FAM219A: variants seen among roughly 807,000 people sequenced by gnomAD.
FAM219A encodes family with sequence similarity 219 member A.
In FAM219A, 7 loss-of-function variants were observed where a neutral mutation model predicts 23.4. The ratio of observed to expected loss-of-function variants is 0.30; its 90% CI spans 0.17 to 0.56. FAM219A has a LOEUF of 0.56. Ranked by LOEUF, FAM219A falls within the 20% of genes least tolerant of loss-of-function variation. The pLI, the probability that FAM219A is intolerant of heterozygous loss-of-function variation, is 0.92. For missense variants in FAM219A, 166 were observed against 246.9 expected (o/e 0.67, Z 2.20); for synonymous variants, 93 against 99.0 (o/e 0.94, Z 0.36).
At chr9:34,450,873 A>G (rs1439855656) in intron 1 of FAM219A, among the ~76,000 whole-genome samples, 1 of 152,152 alleles carries the variant, frequency 6.6e-6, no homozygotes, top group East Asian at 1.9e-4. Context: ...GCCTCTTGTC[A>G]TATGTTTAGA....
intron 1 of FAM219A, among the ~76,000 whole-genome samples, chr9:34,421,884 G>A (rs929290840): frequency 6.6e-6 from 1 of 152,202 alleles, no homozygotes; most frequent in African/African-American, 2.4e-5. Flanking sequence ...TCTGGAACCT[G>A]AATTGTCAGC....
intron 4 of FAM219A, 51 bp downstream of exon 4, chr9:34,402,336 C>T: frequency 6.2e-7 from 1 of 1,614,190 alleles, no homozygotes; most frequent in African/African-American, 1.3e-5. Context: ...CCCACTTGTG[C>T]TATACAGGTT....
Position 34,417,551 on chromosome 9 carries a change from C to A in FAM219A, c.61-11587G>T, listed in dbSNP as rs892170171. 1.2e-4 allele frequency among the ~76,000 whole-genome samples: 18 copies of A among 152,144 alleles called. No homozygotes were observed. Among genetic ancestry groups the A allele is most frequent in the Admixed American group, 1.0e-3 (16 of 15,278 alleles). On this transcript the variant is annotated intron_variant, in intron 1 of 5. Transcript: ENST00000651358. The surrounding 1 kb of genome is among the most constrained non-coding windows in gnomAD (Gnocchi z 4.1). ...ATCATTTCCTAAATAAAGTAGATTA[C>A]TCAGTAAAAAACATGAGTGCTTTTA...
chr9:34,439,562 G>C (rs994531311), intron 1 of FAM219A, among the ~76,000 whole-genome samples: 3 of 152,090 alleles, frequency 2.0e-5, no homozygotes, highest in Admixed American at 6.5e-5. Flanking sequence ...CCAAGTCTAG[G>C]GATTGTCCTC....
intron 1 of FAM219A, among the ~76,000 whole-genome samples, chr9:34,431,507 T>TA (rs1374540716): frequency 6.6e-6 from 1 of 152,190 alleles, no homozygotes; most frequent in Non-Finnish European, 1.5e-5. Context: ...GTTTCCCTCA[T>TA]AGATACCACA....
chr9:34,416,257 AAGGG>A (rs1822017205), intron 1 of FAM219A, among the ~76,000 whole-genome samples: 12 of 90,332 alleles, frequency 1.3e-4, no homozygotes, highest in East Asian at 4.0e-4. Context: ...GAAAGAAAGA[AAGGG>A]GGAGGGAGGG....
chr9:34,404,765 C>A (rs1563998165), intron 2 of FAM219A, among the ~76,000 whole-genome samples: 1 of 152,102 alleles, frequency 6.6e-6, no homozygotes, highest in Non-Finnish European at 1.5e-5. Flanking sequence ...ATAAAATTGG[C>A]TGCAGTTTTA....
At chr9:34,443,042 C>T (rs1033164978) in intron 1 of FAM219A, among the ~76,000 whole-genome samples, 1 of 151,864 alleles carries the variant, frequency 6.6e-6, no homozygotes, top group Non-Finnish European at 1.5e-5. Context: ...TAAGATTAGC[C>T]TTGTGTTGAT....
intron 1 of FAM219A, among the ~76,000 whole-genome samples, chr9:34,440,877 G>T (rs1187889939): frequency 6.6e-6 from 1 of 151,408 alleles, no homozygotes. Flanking sequence ...AATTTTTAAA[G>T]AAATGTTATC....
chr9:34,413,820 A>G (rs920838674), intron 1 of FAM219A, among the ~76,000 whole-genome samples: 1 of 152,244 alleles, frequency 6.6e-6, no homozygotes, highest in African/African-American at 2.4e-5. Context: ...CAGGAAGGAT[A>G]GTGCTGATAA....
chr9:34,420,807 T>C (rs187627647), intron 1 of FAM219A, among the ~76,000 whole-genome samples: 55 of 151,536 alleles, frequency 3.6e-4, no homozygotes, highest in African/African-American at 1.3e-3. Flanking sequence ...TGAGACCCCA[T>C]CTCTACAAAA....
intron 5 of FAM219A, among the ~76,000 whole-genome samples, chr9:34,401,324 C>T (rs1174882133): frequency 6.6e-6 from 1 of 152,188 alleles, no homozygotes; most frequent in African/African-American, 2.4e-5. Context: ...TTCTAGTCAC[C>T]CCTCCCCATT....
intron 4 of FAM219A, 36 bp downstream of exon 4, chr9:34,402,351 T>C (rs558880535): frequency 6.2e-7 from 1 of 1,614,210 alleles, no homozygotes; most frequent in Admixed American, 1.7e-5. Flanking sequence ...CAGGTTCCTT[T>C]GGGCTGCCCA....
rs189886618 is a variant in FAM219A at position 34,433,348 on chromosome 9, G to A, written c.60+24856C>T. Among the ~76,000 whole-genome samples the A allele has an allele frequency of 1.4e-4, 21 of 152,124 alleles. No individual in the cohort carries two copies. In the East Asian group the frequency reaches 3.9e-3, roughly 28 times the overall value. On this transcript the variant is annotated intron_variant, in intron 1 of 5. Transcript: ENST00000651358. ...GGGAAACTAATCATGAACCTAGAAG[G>A]TTCTGCAGAATATCTAATGTTTATC...
At chr9:34,433,917 C>T (rs982112571) in intron 1 of FAM219A, among the ~76,000 whole-genome samples, 3 of 152,146 alleles carry the variant, frequency 2.0e-5, no homozygotes, top group African/African-American at 4.8e-5. Flanking sequence ...AATGAAGTGG[C>T]CTCGGCCGGG....
chr9:34,450,562 G>C lies in FAM219A; in HGVS notation c.60+7642C>G, dbSNP rs1823530209. 2.0e-5 allele frequency among the ~76,000 whole-genome samples: 3 copies of C among 151,978 alleles called. 1 individual carries two copies. The highest frequency in any genetic ancestry group is 6.6e-5 in the Admixed American group (1 of 15,258). On this transcript the variant is annotated intron_variant, in intron 1 of 5. Transcript: ENST00000651358. Reference sequence around the variant, plus strand: ...GCCTCCCGAGTAGCTGGGATTACAGGTGGCCACCACCATGCCCGGCTAATT... The same window carrying C: ...GCCTCCCGAGTAGCTGGGATTACAGCTGGCCACCACCATGCCCGGCTAATT...
Position 34,398,385 on chromosome 9 carries a change from G to C in FAM219A, c.*2579C>G. ...AGCTGAGAGAGGAGGGAGTGTTAAG[G>C]CAGTATCTACAAGGGGAAGGGTGGC... On this transcript the variant is annotated 3_prime_UTR_variant, in exon 6 of 6. Transcript: ENST00000651358. The C allele has an allele frequency of 6.5e-7, 1 of 1,550,326 alleles. No homozygotes were observed. Among genetic ancestry groups the C allele is most frequent in the South Asian group, 1.2e-5 (1 of 84,044 alleles).
intron 1 of FAM219A, among the ~76,000 whole-genome samples, chr9:34,435,115 C>T (rs2131988652): frequency 6.6e-6 from 1 of 152,320 alleles, no homozygotes. Flanking sequence ...GCCACTGTGC[C>T]TGGCCAGTGT....
chr9:34,447,558 G>A (rs1823416674), intron 1 of FAM219A, among the ~76,000 whole-genome samples: 1 of 152,174 alleles, frequency 6.6e-6, no homozygotes, highest in African/African-American at 2.4e-5. Context: ...AAACAAAAGA[G>A]CGCTAAGGCT....
Sources: allele counts gnomAD v4.1 joint callset (sites outside exome capture counted in the v4.1 genomes callset), GRCh38; gene constraint gnomAD v4.1.1; non-coding constraint Gnocchi (gnomAD v3.1); transcripts MANE v1.5; gene names NCBI Gene and HGNC (gene_info 2026-07-23, HGNC 2026-07-21).